The following ASB11 variants were observed in gnomAD, a reference collection of about 807,000 sequenced individuals.
ASB11 encodes the protein ankyrin repeat and SOCS box containing 11.
In ASB11, 17 loss-of-function variants were observed where a neutral mutation model predicts 20.1. The observed-to-expected ratio is 0.85, with a 90% CI of 0.58 to 1.27. The LOEUF is 1.27. Ranked by LOEUF, ASB11 falls within the 50% of genes most tolerant of loss-of-function variation. The pLI is 0.00. For synonymous variants in ASB11, 107 were observed against 105.6 expected, an observed-to-expected ratio of 1.01 and a Z score of -0.08; for missense variants, 259 against 256.9, an observed-to-expected ratio of 1.01 and a Z score of -0.06.
chrX:15,302,934 G>A lies in ASB11; in HGVS notation c.182-127C>T, dbSNP rs909959943. On this transcript the variant is annotated intron_variant, in intron 1 of 6. Transcript: ENST00000480796. ...GGAAGAGGAGGGAAGCAGGTATCAC[G>A]CATCAGGCTCTCTCGTCAGCCACTT... The A allele has an allele frequency of 8.8e-5, 48 of 546,715 alleles. No individual in the cohort carries two copies. The Middle Eastern group carries it at 1.6e-3, about 19-fold the overall frequency. 45.1% of individuals were successfully genotyped at this position (546,715 alleles called of 1,213,427 possible). A position where few individuals can be genotyped will look rare whatever the true frequency, so the allele number is the denominator to read the frequency against.
intron 4 of ASB11, 105 bp from the exon 5 acceptor site, chrX:15,289,743 G>T: frequency 1.0e-6 from 1 of 968,841 alleles, no homozygotes; most frequent in Non-Finnish European, 1.4e-6. Context: ...ACCTAGGTTG[G>T]CCGGGTGTGG....
intron 5 of ASB11, among the ~76,000 whole-genome samples, chrX:15,288,906 A>G (rs1470824094): frequency 9.0e-6 from 1 of 110,830 alleles, no homozygotes; most frequent in East Asian, 2.8e-4. Flanking sequence ...AAGATATTTC[A>G]TTTTTCCACG....
intron 1 of ASB11, among the ~76,000 whole-genome samples, chrX:15,314,891 G>T (rs189660475): frequency 1.8e-5 from 2 of 111,365 alleles, no homozygotes; most frequent in Admixed American, 1.9e-4. Context: ...AACTTTGTTT[G>T]GAGTGCTTTG....
intron 4 of ASB11, among the ~76,000 whole-genome samples, chrX:15,290,449 C>G (rs1231200853): frequency 8.9e-6 from 1 of 112,041 alleles, no homozygotes; most frequent in Non-Finnish European, 1.9e-5. Flanking sequence ...CTGAAAAATA[C>G]CTATGAGAAA....
At chrX:15,300,536 G>A (rs2147696874) in intron 2 of ASB11, among the ~76,000 whole-genome samples, 1 of 112,415 alleles carries the variant, frequency 8.9e-6, no homozygotes, top group South Asian at 3.6e-4. Flanking sequence ...TTGAACTTTT[G>A]TATAAAGAAT....
chrX:15,297,233 G>A (rs1260497417), intron 3 of ASB11, among the ~76,000 whole-genome samples: 1 of 111,803 alleles, frequency 8.9e-6, no homozygotes, highest in Non-Finnish European at 1.9e-5. Context: ...AGCTTGCAGT[G>A]AGCGGAGATT....
intron 1 of ASB11, among the ~76,000 whole-genome samples, chrX:15,307,710 C>T (rs1402972294): frequency 2.7e-5 from 3 of 111,500 alleles, no homozygotes; most frequent in Non-Finnish European, 5.7e-5. Flanking sequence ...GAGTCAAAAG[C>T]ACCCCGAGGA....
intron 3 of ASB11, among the ~76,000 whole-genome samples, chrX:15,296,822 A>G (rs1263554579): frequency 8.9e-6 from 1 of 111,843 alleles, no homozygotes; most frequent in African/African-American, 3.3e-5. Context: ...TTCATCAGAA[A>G]ACTAAAAACA....
chrX:15,286,497 T>C (rs1283092060), intron 6 of ASB11, among the ~76,000 whole-genome samples: 2 of 108,561 alleles, frequency 1.8e-5, no homozygotes, highest in African/African-American at 6.7e-5. Context: ...AAACCCCGTC[T>C]CTACTAAAAA....
rs1006468561 is a variant in ASB11 at position 15,283,541 on chromosome X, C to A, written c.936G>T (p.Leu312=). ...GGAGGAATCGTTCGAGTGGCTCTGG[C>A]AGATGTAGCTTGTGGATGGCTTGAT... ...ACHQAIHKLH[L]PEPLERFLLY... is the part of the protein sequence containing the mutation. Residue 312 remains leucine (L), a synonymous_variant, in exon 7 of 7, where the codon CTG becomes CTT. Transcript: ENST00000480796. 1.6e-5 allele frequency: 19 copies of A among 1,208,708 alleles called. No homozygotes were observed. The highest frequency in any genetic ancestry group is 1.7e-5 in the Non-Finnish European group (15 of 894,415).
intron 6 of ASB11, 37 bp from the exon 7 acceptor site, chrX:15,283,666 G>T: frequency 8.3e-7 from 1 of 1,198,114 alleles, no homozygotes; most frequent in Non-Finnish European, 1.1e-6. Flanking sequence ...ACTTCATAGT[G>T]GTGGGAGGTG....
intron 6 of ASB11, among the ~76,000 whole-genome samples, chrX:15,284,048 G>C (rs12834451): frequency 0.099 from 10,590 of 107,235 alleles, 890 homozygotes; most frequent in East Asian, 0.22. Flanking sequence ...GTCAGGAGAT[G>C]GAGACCATCC....
At chrX:15,309,967 C>CAAAAAAAAAAAAAAAAAAAAAAAAAA (rs60765469) in intron 1 of ASB11, among the ~76,000 whole-genome samples, 1 of 15,528 alleles carries the variant, frequency 6.4e-5, no homozygotes, top group African/African-American at 2.1e-4. Context: ...GACTCCGTCT[C>CAAAAAAAAAAAAAAAAAAAAAAAAAA]AAAAAAAAAA....
At chrX:15,314,392 T>C in intron 1 of ASB11, 1 of 1,185,153 alleles carries the variant, frequency 8.4e-7, no homozygotes, top group Non-Finnish European at 1.1e-6. Context: ...GTGACAAATA[T>C]AATCCCCAAA....
chrX:15,283,712 G>A (rs942550914), intron 6 of ASB11, 83 bp from the exon 7 acceptor site: 3 of 1,086,365 alleles, frequency 2.8e-6, no homozygotes, highest in Admixed American at 4.6e-5. Context: ...TGGAAGAGGC[G>A]GAAATTTTCT....
chrX:15,299,610 G>A (rs1005968141), intron 2 of ASB11, among the ~76,000 whole-genome samples: 1 of 111,329 alleles, frequency 9.0e-6, no homozygotes, highest in Non-Finnish European at 1.9e-5. Context: ...CCAAAAGGGA[G>A]GAGGGTATAA....
intron 4 of ASB11, chrX:15,289,981 G>A (rs5934230): frequency 2.4e-5 from 4 of 163,603 alleles, no homozygotes; most frequent in Non-Finnish European, 4.6e-5. Flanking sequence ...CCGAGATAGC[G>A]CCACTGCACT....
Position 15,283,356 on chromosome X carries a change from C to G in ASB11, c.*149G>C. On this transcript the variant is annotated 3_prime_UTR_variant, in exon 7 of 7. Transcript: ENST00000480796. ...AAACTAACCAGGAGTTTCCACTCCT[C>G]AAGTGTTCTAGCTCATGGGGGATTT... 2.5e-6 allele frequency: 2 copies of G among 799,828 alleles called. No individual in the cohort carries two copies. Among genetic ancestry groups the G allele is most frequent in the Non-Finnish European group, 3.6e-6 (2 of 557,382 alleles). The allele number at this position is 799,828 out of a possible 1,213,427, so 65.9% of individuals were successfully genotyped here.
At chrX:15,283,975 A>G (rs60517241) in intron 6 of ASB11, among the ~76,000 whole-genome samples, 284 of 111,451 alleles carry the variant, frequency 2.5e-3, no homozygotes, top group East Asian at 0.011. Flanking sequence ...ACACGGGGCC[A>G]GGCACGGTGG....
Sources: allele counts gnomAD v4.1 joint callset (sites outside exome capture counted in the v4.1 genomes callset), GRCh38; gene constraint gnomAD v4.1.1; transcripts MANE v1.5; gene names NCBI Gene and HGNC (gene_info 2026-07-23, HGNC 2026-07-21).